ACAA2: variants seen among roughly 807,000 people sequenced by gnomAD.
The protein encoded by ACAA2 is acetyl-CoA acyltransferase 2.
ACAA2 carries 35 observed loss-of-function variants against 44.8 expected under a neutral mutation model. The ratio of observed to expected loss-of-function variants is 0.78; its 90% CI spans 0.60 to 1.04. The LOEUF (loss-of-function observed/expected upper bound fraction) is 1.04. ACAA2 is among the 50% of genes least tolerant of loss of function. The pLI is 0.00. For missense variants in ACAA2, 468 were observed against 482.6 expected (o/e 0.97, Z 0.28); for synonymous variants, 142 against 166.5 (o/e 0.85, Z 1.13).
chr18:49,788,025 A>ACAACTC (rs2023354184), intron 7 of ACAA2, among the ~76,000 whole-genome samples: 1 of 152,242 alleles, frequency 6.6e-6, no homozygotes, highest in African/African-American at 2.4e-5. Flanking sequence ...GGTGATGTTT[A>ACAACTC]CAACTCCAAG....
intron 7 of ACAA2, among the ~76,000 whole-genome samples, chr18:49,790,148 A>G (rs755092906): frequency 1.1e-4 from 17 of 152,254 alleles, no homozygotes; most frequent in Non-Finnish European, 2.1e-4. Context: ...TTTCTAAGAC[A>G]AAAGTTATCT....
At chr18:49,809,728 T>C (rs2023648353) in intron 1 of ACAA2, among the ~76,000 whole-genome samples, 3 of 152,202 alleles carry the variant, frequency 2.0e-5, no homozygotes. Flanking sequence ...GAGACAGGGA[T>C]AAATAAGTGA....
intron 7 of ACAA2, among the ~76,000 whole-genome samples, chr18:49,790,968 T>A (rs2023391400): frequency 6.6e-6 from 1 of 152,218 alleles, no homozygotes; most frequent in Non-Finnish European, 1.5e-5. Context: ...TGGAACCTTG[T>A]AAGACAACCT....
rs376134556 is a variant in ACAA2, at chr18:49,794,409, C to T, written c.448G>A (p.Val150Ile). 3.8e-6 allele frequency: 6 copies of T among 1,587,784 alleles called. No individual in the cohort carries two copies. The Admixed American group carries it at 9.0e-5, about 24-fold the overall frequency. Residue 150 changes from valine (V) to isoleucine (I), a missense_variant, in exon 5 of 10, where the codon GTA becomes ATA. Physicochemically the swap from Val to Ile is conservative, Grantham distance 29. Transcript: ENST00000285093. The stretch of plus-strand genomic sequence containing the variant: ...TGGACATGCTGATCTGTTAATGATA[C>T]CCATAAAGAATCTTCCAGCTATTAA... ...SDIKLEDSLW[V>I]SLTDQHVQLP...
intron 9 of ACAA2, 57 bp from the exon 10 acceptor site, chr18:49,783,988 TA>T: frequency 7.3e-7 from 1 of 1,372,462 alleles, no homozygotes; most frequent in Non-Finnish European, 1.0e-6. Flanking sequence ...ATTAATGAAA[TA>T]GAACTAATAA....
In ACAA2 at chr18:49,782,418, G is replaced by A. The variant is rs1200663720; in HGVS notation, c.*1429C>T. ...AATGAAGGAAACCATATAAGCAAAG[G>A]GTTGAGGAAACAGTGTAGGTACTTA... On this transcript the variant is annotated 3_prime_UTR_variant, in exon 10 of 10. Transcript: ENST00000285093. The A allele has an allele frequency of 6.6e-6, 1 of 151,946 alleles. No homozygotes were observed. Among genetic ancestry groups the A allele is most frequent in the East Asian group, 1.9e-4 (1 of 5,190 alleles). The allele number at this position is 151,946 out of a possible 1,614,324, so 9.4% of individuals were successfully genotyped here. A position where few individuals can be genotyped will look rare whatever the true frequency, so the allele number is the denominator to read the frequency against.
rs555245192 is a variant in ACAA2 at position 49,788,844 on chromosome 18, G to T, written c.884-1483C>A. 3.0e-4 allele frequency among the ~76,000 whole-genome samples: 45 copies of T among 152,282 alleles called. No homozygotes were observed. The South Asian group carries it at 8.8e-3, about 30-fold the overall frequency. The stretch of plus-strand genomic sequence containing the variant: ...ACCACTGTTATTTACTGGGACTTCA[G>T]GAAGGTTTAGTATTCTTGTTAGGAA... On this transcript the variant is annotated intron_variant, in intron 7 of 9. Coordinates refer to ENST00000285093, the MANE Select transcript of ACAA2 (RefSeq NM_006111.3).
At chr18:49,791,683 G>C in intron 6 of ACAA2, 84 bp from the exon 7 acceptor site, 1 of 1,396,994 alleles carries the variant, frequency 7.2e-7, no homozygotes. Context: ...GTAGTATTAG[G>C]AATATGGCAG....
chr18:49,789,749 T>C (rs557772836), intron 7 of ACAA2, among the ~76,000 whole-genome samples: 1 of 150,662 alleles, frequency 6.6e-6, no homozygotes, highest in South Asian at 2.1e-4. Flanking sequence ...TTTGGGAGGC[T>C]GAGGTGGGCG....
intron 8 of ACAA2, chr18:49,786,713 C>T (rs1183746320): frequency 2.6e-5 from 4 of 152,116 alleles, no homozygotes; most frequent in African/African-American, 9.7e-5. Flanking sequence ...AATGTTTCTC[C>T]ACCTCTTCTT....
In ACAA2 at chr18:49,789,118, G is replaced by A. The variant is rs551979548; in HGVS notation, c.884-1757C>T. On this transcript the variant is annotated intron_variant, in intron 7 of 9. Transcript: ENST00000285093. Reference sequence around the variant, plus strand: ...CCACCCCTGAGGAGTTCCAGGGAGTGCTGTCTTTCTATAGCTGTGTATTTC... The same window carrying A: ...CCACCCCTGAGGAGTTCCAGGGAGTACTGTCTTTCTATAGCTGTGTATTTC... Among the ~76,000 whole-genome samples, 25 of 152,262 alleles carry A rather than the reference G, an allele frequency of 1.6e-4. 1 individual carries two copies. Among genetic ancestry groups the A allele is most frequent in the Middle Eastern group, 3.4e-3 (1 of 294 alleles).
chr18:49,784,646 T>A (rs1233537903), intron 9 of ACAA2, among the ~76,000 whole-genome samples: 1 of 152,140 alleles, frequency 6.6e-6, no homozygotes, highest in Non-Finnish European at 1.5e-5. Context: ...GCAATTTTTC[T>A]ACAGAGCAAA....
At chr18:49,806,272 G>A (rs955834362) in intron 1 of ACAA2, among the ~76,000 whole-genome samples, 9 of 152,208 alleles carry the variant, frequency 5.9e-5, no homozygotes, top group Admixed American at 5.2e-4. Context: ...GAAAGTGAAT[G>A]AGAATCTGGG....
At chr18:49,801,785 CATATATATATATATAT>C (rs55864039) in intron 2 of ACAA2, among the ~76,000 whole-genome samples, 1,605 of 112,228 alleles carry the variant, frequency 0.014, 75 homozygotes, top group African/African-American at 0.05. Context: ...AGAAACTGAT[CATATATATATATATAT>C]ATATATATAT....
In ACAA2 at chr18:49,784,387, A is replaced by G. The variant is rs115592338; in HGVS notation, c.1110-456T>C. Among the ~76,000 whole-genome samples the G allele has an allele frequency of 2.7e-3, 415 of 152,346 alleles. 2 individuals carry two copies. The highest frequency in any genetic ancestry group is 9.3e-3 in the African/African-American group (387 of 41,572). On this transcript the variant is annotated intron_variant, in intron 9 of 9. Coordinates refer to ENST00000285093, the MANE Select transcript of ACAA2 (RefSeq NM_006111.3). ...GCACCTTAGAAGAAATGTAATTAAT[A>G]AAGTTTGTCCCTATGAAAGGGCAGA...
chr18:49,813,444 G>A, intron 1 of ACAA2, 25 bp downstream of exon 1: 3 of 1,240,334 alleles, frequency 2.4e-6, no homozygotes, highest in Non-Finnish European at 3.0e-6. Flanking sequence ...GAGGGGCGAG[G>A]AGAGGAGGAG....
At chr18:49,786,786 T>TTTAAG (rs2023334889) in intron 8 of ACAA2, among the ~76,000 whole-genome samples, 1 of 152,178 alleles carries the variant, frequency 6.6e-6, no homozygotes. Flanking sequence ...ACTCAATAAA[T>TTTAAG]TTAAGTTCCA....
At chr18:49,811,677 T>C (rs903638177) in intron 1 of ACAA2, 6 of 152,208 alleles carry the variant, frequency 3.9e-5, no homozygotes, top group Non-Finnish European at 8.8e-5. Context: ...TTAATGATTC[T>C]AGCTGGCCTG....
Position 49,783,798 on chromosome 18 carries a change from G to T in ACAA2, c.*49C>A. 1 of 1,516,220 alleles carries T rather than the reference G, an allele frequency of 6.6e-7. No individual in the cohort carries two copies. Among genetic ancestry groups the T allele is most frequent in the Non-Finnish European group, 9.1e-7 (1 of 1,094,734 alleles). The allele number at this position is 1,516,220 out of a possible 1,614,324, so 93.9% of individuals were successfully genotyped here. A position where few individuals can be genotyped will look rare whatever the true frequency, so the allele number is the denominator to read the frequency against. On this transcript the variant is annotated 3_prime_UTR_variant, in exon 10 of 10. Transcript: ENST00000285093. The stretch of plus-strand genomic sequence containing the variant: ...TCTGAAGGTCACTTGTTTTACTGTG[G>T]CCTGGCCAAGTAGAGTAAGGATGGG...
Sources: gnomAD v4.1 joint callset for allele counts (sites outside exome capture counted in the v4.1 genomes callset) on GRCh38, gnomAD v4.1.1 for gene constraint, MANE v1.5 for transcripts, NCBI Gene and HGNC (gene_info 2026-07-23, HGNC 2026-07-21) for gene names.